Variants in UGGT1 observed in about 807,000 individuals in gnomAD.
UGGT1 encodes the protein UDP-glucose:glycoprotein glucosyltransferase 1.
A neutral mutation model predicts 203.9 loss-of-function variants in UGGT1; 107 were observed. The observed-to-expected ratio is 0.52, with a 90% CI of 0.45 to 0.62. UGGT1 has a LOEUF of 0.62. Ranked by LOEUF, UGGT1 falls within the 20% of genes least tolerant of loss-of-function variation. The pLI is 0.00. For synonymous variants in UGGT1, 628 were observed against 653.5 expected (o/e 0.96, Z 0.59); for missense variants, 1,673 against 1,867.2 (o/e 0.90, Z 1.92).
At chr2:128,102,245 C>T (rs551774085) in intron 2 of UGGT1, among the ~76,000 whole-genome samples, 3 of 151,986 alleles carry the variant, frequency 2.0e-5, no homozygotes, top group African/African-American at 7.2e-5. Context: ...TGGGTTCAAG[C>T]GATTCTCCTG....
At chr2:128,115,892 CTAAT>C (rs1483110084) in intron 7 of UGGT1, among the ~76,000 whole-genome samples, 2 of 152,238 alleles carry the variant, frequency 1.3e-5, no homozygotes, top group South Asian at 2.1e-4. Context: ...ATTAAGTTGA[CTAAT>C]TATAAATTCT....
At chr2:128,145,020 G>A (rs1689613962) in intron 17 of UGGT1, among the ~76,000 whole-genome samples, 1 of 152,164 alleles carries the variant, frequency 6.6e-6, no homozygotes, top group Non-Finnish European at 1.5e-5. Flanking sequence ...TTGCCGTTTT[G>A]TTGCCCCAGT....
At chr2:128,125,307 C>CT in intron 11 of UGGT1, among the ~76,000 whole-genome samples, 1 of 152,232 alleles carries the variant, frequency 6.6e-6, no homozygotes. Flanking sequence ...CCTCAGGCAC[C>CT]TGGCTGTGGG....
In UGGT1 at chr2:128,145,966, T is replaced by C. The variant is rs1173256483; in HGVS notation, c.2015T>C (p.Leu672Ser). 2 of 1,613,932 alleles carry C rather than the reference T, an allele frequency of 1.2e-6. No homozygotes were observed. The highest frequency in any genetic ancestry group is 1.7e-6 in the Non-Finnish European group (2 of 1,179,954). Residue 672 changes from leucine (L) to serine (S), a missense_variant and splice_region_variant, in exon 18 of 41, where the codon TTG becomes TCG. Leu to Ser is a moderately radical substitution (Grantham distance 145). Around this residue, in one of 4 missense-constraint regions of UGGT1, gnomAD observed 1,073 missense variants for 1,078.7 expected, o/e 0.99. Coordinates refer to ENST00000259253, the MANE Select transcript of UGGT1 (RefSeq NM_020120.4). ...ACCTTCTTCCAAAGAGCGGTGTACT[T>C]GGTGAGTCACGTTTCAAGGCTGATT... ...TTTFFQRAVY[L>S]GELPHDQDVV... is the part of the protein sequence containing the mutation.
chr2:128,161,823 A>G (rs6708392), intron 25 of UGGT1, among the ~76,000 whole-genome samples: 281 of 152,216 alleles, frequency 1.8e-3, no homozygotes, highest in African/African-American at 6.5e-3. Context: ...AATTGTTTGG[A>G]TGGACCCTGG....
chr2:128,161,112 AGC>A, intron 24 of UGGT1, 24 bp from the exon 25 acceptor site: 1 of 1,612,146 alleles, frequency 6.2e-7, no homozygotes, highest in Non-Finnish European at 8.5e-7. Flanking sequence ...TCCAGAGCTA[AGC>A]GCCTGCTCTT....
intron 15 of UGGT1, 55 bp from the exon 16 acceptor site, chr2:128,138,662 T>G (rs1689261222): frequency 6.3e-7 from 1 of 1,585,128 alleles, no homozygotes; most frequent in Admixed American, 1.8e-5. Flanking sequence ...GTCATTCTTT[T>G]TAACCATTTG....
At chr2:128,116,721 C>T (rs992626774) in intron 8 of UGGT1, among the ~76,000 whole-genome samples, 12 of 152,048 alleles carry the variant, frequency 7.9e-5, no homozygotes, top group Non-Finnish European at 1.2e-4. Context: ...GATGGTGTTT[C>T]GCCACGTTGG....
intron 11 of UGGT1, among the ~76,000 whole-genome samples, chr2:128,124,138 G>A (rs982405269): frequency 2.0e-5 from 3 of 152,082 alleles, no homozygotes; most frequent in Non-Finnish European, 2.9e-5. Flanking sequence ...AGTAGAGACG[G>A]GGTTTCACCG....
intron 8 of UGGT1, among the ~76,000 whole-genome samples, chr2:128,118,327 A>G (rs920151507): frequency 1.3e-5 from 2 of 152,140 alleles, no homozygotes; most frequent in African/African-American, 4.8e-5. Context: ...GAGCAGTGGC[A>G]CAATCACGGC....
At chr2:128,126,837 C>A (rs1176856278) in intron 11 of UGGT1, among the ~76,000 whole-genome samples, 1 of 151,918 alleles carries the variant, frequency 6.6e-6, no homozygotes, top group Non-Finnish European at 1.5e-5. Flanking sequence ...AGTACACCAC[C>A]ATAGCTGGTT....
In UGGT1 at chr2:128,179,801, C is replaced by G; in HGVS notation, c.3831C>G (p.Ser1277=). 1 of 1,612,984 alleles carries G rather than the reference C, an allele frequency of 6.2e-7. No individual in the cohort carries two copies. The highest frequency in any genetic ancestry group is 8.5e-7 in the Non-Finnish European group (1 of 1,179,700). Residue 1277 remains serine (S), a synonymous_variant, in exon 35 of 41, where the codon TCC becomes TCG. Transcript: ENST00000259253. ...YERFLRIMML[S]VLKNTKTPVK... is the part of the protein sequence containing the mutation. ...TGTTTGGCAGCATAATGATGCTATC[C>G]GTGCTGAAGAATACCAAGACTCCTG...
chr2:128,125,826 T>C (rs930216885), intron 11 of UGGT1, among the ~76,000 whole-genome samples: 16 of 152,080 alleles, frequency 1.1e-4, no homozygotes, highest in Non-Finnish European at 1.9e-4. Context: ...TATCAAATAT[T>C]ATCTTAAATT....
At chr2:128,140,071 C>T (rs1044584154) in intron 16 of UGGT1, 4 of 153,444 alleles carry the variant, frequency 2.6e-5, no homozygotes, top group African/African-American at 9.7e-5. Context: ...TGAAGAGGCT[C>T]TCAGCGGATC....
intron 17 of UGGT1, among the ~76,000 whole-genome samples, chr2:128,144,160 A>T (rs1279624172): frequency 6.6e-6 from 1 of 152,240 alleles, no homozygotes; most frequent in Non-Finnish European, 1.5e-5. Flanking sequence ...TACCTTTAGC[A>T]TATTATCTTC....
intron 1 of UGGT1, among the ~76,000 whole-genome samples, chr2:128,094,212 T>TG (rs1687001165): frequency 6.6e-6 from 1 of 152,048 alleles, no homozygotes; most frequent in South Asian, 2.1e-4. Context: ...GTTCATATGA[T>TG]GCGCTGTCTC....
intron 15 of UGGT1, among the ~76,000 whole-genome samples, chr2:128,135,412 G>A (rs1689085479): frequency 6.6e-6 from 1 of 152,102 alleles, no homozygotes; most frequent in Non-Finnish European, 1.5e-5. Flanking sequence ...CTGAGTGGCT[G>A]GATTTCCACT....
chr2:128,170,207 A>T, intron 26 of UGGT1, 81 bp from the exon 27 acceptor site: 1 of 1,090,430 alleles, frequency 9.2e-7, no homozygotes, highest in South Asian at 1.3e-5. Flanking sequence ...AATGCTAAGA[A>T]GGTTGAAGGT....
Position 128,097,431 on chromosome 2 carries a change from G to A in UGGT1, c.61G>A (p.Val21Ile), listed in dbSNP as rs1687163498. 1.9e-6 allele frequency: 3 copies of A among 1,599,468 alleles called. No homozygotes were observed. The highest frequency in any genetic ancestry group is 2.6e-6 in the Non-Finnish European group (3 of 1,176,272). ...TTCTTTTCTTTTTTTCCTTTTAGGA[G>A]TTTGCTATAAAATGGGAGTTCTGGT... ...CAAGALPVTG[V>I]CYKMGVLVVL... The change falls in exon 2 of 41, where the codon GTT becomes ATT. Residue 21 changes from valine (V) to isoleucine (I), a missense_variant and splice_region_variant. By Grantham distance (29) the Val-to-Ile change is conservative (BLOSUM62 3). Transcript: ENST00000259253.
Sources: gnomAD v4.1 joint callset for allele counts (sites outside exome capture counted in the v4.1 genomes callset) on GRCh38, gnomAD v4.1.1 for gene constraint, gnomAD v4.1.1 regional missense constraint, MANE v1.5 for transcripts, NCBI Gene and HGNC (gene_info 2026-07-23, HGNC 2026-07-21) for gene names.